The following RUNX1 variants were observed in gnomAD, a reference collection of about 807,000 sequenced individuals.
RUNX1 encodes RUNX family transcription factor 1.
Under a neutral mutation model 42.8 loss-of-function variants are expected in RUNX1, and 19 were observed. That is an observed-to-expected ratio of 0.44 (90% CI 0.31 to 0.65). RUNX1 has a LOEUF of 0.65. RUNX1 is among the 30% of genes least tolerant of loss of function. The pLI, the probability that RUNX1 is intolerant of heterozygous loss-of-function variation, is 0.07. For synonymous variants in RUNX1, 271 were observed against 289.4 expected (o/e 0.94, Z 0.64); for missense variants, 528 against 672.0 (o/e 0.79, Z 2.37).
intron 2 of RUNX1, among the ~76,000 whole-genome samples, chr21:34,925,053 G>A (rs1296393354): frequency 6.6e-6 from 1 of 151,650 alleles, no homozygotes; most frequent in Non-Finnish European, 1.5e-5. Flanking sequence ...TATGACTTTT[G>A]GGAGGATACA....
At chr21:34,881,413 T>C (rs2057903677) in intron 4 of RUNX1, among the ~76,000 whole-genome samples, 1 of 152,240 alleles carries the variant, frequency 6.6e-6, no homozygotes, top group Non-Finnish European at 1.5e-5. Flanking sequence ...TCTTGAGTTT[T>C]ACTAGCAATG....
chr21:34,867,979 C>G (rs547755538), intron 5 of RUNX1, among the ~76,000 whole-genome samples: 7 of 152,100 alleles, frequency 4.6e-5, no homozygotes, highest in Non-Finnish European at 1.0e-4. Context: ...AGCCGGGTGC[C>G]TCAAACACAC....
intron 2 of RUNX1, among the ~76,000 whole-genome samples, chr21:34,896,895 T>G (rs1250618940): frequency 1.3e-5 from 2 of 151,896 alleles, no homozygotes; most frequent in Admixed American, 1.3e-4. Flanking sequence ...GAATGGGATG[T>G]AGGGAAGGAG....
intron 7 of RUNX1, among the ~76,000 whole-genome samples, chr21:34,816,644 G>T (rs1237221412): frequency 6.6e-6 from 1 of 152,170 alleles, no homozygotes; most frequent in Admixed American, 6.5e-5. Context: ...TTCTGGAGGA[G>T]ATGGGGCAGG....
chr21:34,839,257 C>T (rs532607159), intron 6 of RUNX1, among the ~76,000 whole-genome samples: 15 of 151,494 alleles, frequency 9.9e-5, no homozygotes, highest in Non-Finnish European at 2.1e-4. Flanking sequence ...CACACACACT[C>T]GGAATGTACA....
chr21:34,805,358 A>G (rs2056665013), intron 7 of RUNX1, among the ~76,000 whole-genome samples: 1 of 152,254 alleles, frequency 6.6e-6, no homozygotes, highest in African/African-American at 2.4e-5. Flanking sequence ...ACCAAACCAC[A>G]GATCCAGAAA....
intron 2 of RUNX1, among the ~76,000 whole-genome samples, chr21:34,948,601 G>A (rs1282369586): frequency 6.6e-6 from 1 of 152,126 alleles, no homozygotes; most frequent in African/African-American, 2.4e-5. Context: ...GGATGTGATG[G>A]TCTACCCTTC....
chr21:35,047,463 T>C (rs2059404340), intron 2 of RUNX1, among the ~76,000 whole-genome samples: 1 of 151,210 alleles, frequency 6.6e-6, no homozygotes. Context: ...TTGAGCTTGG[T>C]TAATGACTTG....
At chr21:34,978,937 T>TACACACACACACACACACACACACAC (rs10673190) in intron 2 of RUNX1, among the ~76,000 whole-genome samples, 7 of 134,054 alleles carry the variant, frequency 5.2e-5, no homozygotes, top group African/African-American at 1.1e-4. Context: ...CACACACAGA[T>TACACACACACACACACACACACACAC]ACACACACAC....
At chr21:34,804,195 A>T (rs945005885) in intron 7 of RUNX1, among the ~76,000 whole-genome samples, 3 of 152,224 alleles carry the variant, frequency 2.0e-5, no homozygotes, top group African/African-American at 7.2e-5. Context: ...CTAGAGGCTC[A>T]GTACAGACTA....
chr21:34,974,664 C>A (rs1481368041), intron 2 of RUNX1, among the ~76,000 whole-genome samples: 1 of 152,204 alleles, frequency 6.6e-6, no homozygotes, highest in Non-Finnish European at 1.5e-5. Context: ...CCTGCTCCTG[C>A]TCTCTGCCGG....
intron 5 of RUNX1, among the ~76,000 whole-genome samples, chr21:34,867,740 A>G (rs1288981401): frequency 6.6e-6 from 1 of 152,046 alleles, no homozygotes; most frequent in Non-Finnish European, 1.5e-5. Flanking sequence ...GTTCCCTAGG[A>G]TCTCAGCTGG....
chr21:34,842,117 G>A (rs975124189), intron 6 of RUNX1, among the ~76,000 whole-genome samples: 4 of 152,148 alleles, frequency 2.6e-5, no homozygotes, highest in Admixed American at 6.5e-5. Context: ...TGTAATTAAA[G>A]TTTTCAGCTG....
At chr21:34,889,744 G>A in intron 3 of RUNX1, 2 of 1,165,056 alleles carry the variant, frequency 1.7e-6, no homozygotes, top group Non-Finnish European at 1.1e-6. Context: ...GCATTTTCGC[G>A]GAGCTCGGAG....
chr21:35,036,340 A>G (rs1408820574), intron 2 of RUNX1, among the ~76,000 whole-genome samples: 1 of 152,154 alleles, frequency 6.6e-6, no homozygotes, highest in Admixed American at 6.5e-5. Flanking sequence ...TTGTCCCATT[A>G]AGATGTTTGC....
intron 2 of RUNX1, among the ~76,000 whole-genome samples, chr21:34,932,840 G>C (rs1001774209): frequency 6.6e-6 from 1 of 151,936 alleles, no homozygotes; most frequent in Non-Finnish European, 1.5e-5. Flanking sequence ...CATTACCCCC[G>C]GCATTTCCCA....
intron 5 of RUNX1, among the ~76,000 whole-genome samples, chr21:34,860,271 G>T (rs1245577175): frequency 6.6e-6 from 1 of 152,142 alleles, no homozygotes; most frequent in African/African-American, 2.4e-5. Flanking sequence ...ATTTATAAAA[G>T]GTGAGAAAAT....
chr21:34,860,987 T>C (rs1339459214), intron 5 of RUNX1, among the ~76,000 whole-genome samples: 1 of 152,218 alleles, frequency 6.6e-6, no homozygotes, highest in African/African-American at 2.4e-5. Flanking sequence ...CTGCCCATTG[T>C]GCCTTTATAA....
intron 2 of RUNX1, among the ~76,000 whole-genome samples, chr21:34,989,002 C>CTA (rs199667153): frequency 0.075 from 11,160 of 148,900 alleles, 1,356 homozygotes; most frequent in African/African-American, 0.26. Context: ...AGATCTCTCT[C>CTA]TCTCTCTCTC....
Sources: allele counts gnomAD v4.1 joint callset (sites outside exome capture counted in the v4.1 genomes callset), GRCh38; gene constraint gnomAD v4.1.1; transcripts MANE v1.5; gene names NCBI Gene and HGNC (gene_info 2026-07-23, HGNC 2026-07-21).